Variants in NRG1 observed in about 807,000 individuals in gnomAD.
NRG1 encodes pro-neuregulin-1, membrane-bound isoform.
In NRG1, 18 loss-of-function variants were observed where a neutral mutation model predicts 63.8. That is an observed-to-expected ratio of 0.28 (90% CI 0.19 to 0.42). NRG1 has a LOEUF of 0.42. NRG1 is among the 10% of genes least tolerant of loss of function. NRG1 has a pLI of 1.00. For synonymous variants in NRG1, 302 were observed against 301.3 expected, an observed-to-expected ratio of 1.00 and a Z score of -0.02; for missense variants, 762 against 814.7, an observed-to-expected ratio of 0.94 and a Z score of 0.79.
At chr8:32,005,054 A>T (rs1813537709) in intron 1 of NRG1, among the ~76,000 whole-genome samples, 1 of 151,710 alleles carries the variant, frequency 6.6e-6, no homozygotes, top group Non-Finnish European at 1.5e-5. Context: ...GGAAGAAAAC[A>T]TATAGAGAAG....
intron 1 of NRG1, among the ~76,000 whole-genome samples, chr8:32,199,540 C>G (rs1165495575): frequency 6.6e-6 from 1 of 152,148 alleles, no homozygotes; most frequent in Non-Finnish European, 1.5e-5. Context: ...TTAGATCTTA[C>G]TTGTCTGAAA....
At chr8:31,716,477 CT>C (rs1221268881) in intron 1 of NRG1, among the ~76,000 whole-genome samples, 1 of 152,204 alleles carries the variant, frequency 6.6e-6, no homozygotes, top group African/African-American at 2.4e-5. Context: ...TATCTTATTT[CT>C]AAGGATCTCA....
chr8:32,258,617 G>A (rs1850012846), intron 1 of NRG1, among the ~76,000 whole-genome samples: 1 of 150,598 alleles, frequency 6.6e-6, no homozygotes, highest in Non-Finnish European at 1.5e-5. Context: ...GGTGGCAGGT[G>A]AGAGAGAGAG....
chr8:31,823,450 C>A (rs1824206906), intron 1 of NRG1, among the ~76,000 whole-genome samples: 1 of 152,098 alleles, frequency 6.6e-6, no homozygotes, highest in Admixed American at 6.5e-5. Context: ...CTGAATACTA[C>A]ATTGTTTTAT....
At chr8:32,288,603 A>T (rs1238790474) in intron 1 of NRG1, among the ~76,000 whole-genome samples, 1 of 152,182 alleles carries the variant, frequency 6.6e-6, no homozygotes, top group African/African-American at 2.4e-5. Flanking sequence ...CAAAAAAGGA[A>T]CTTTGTTACA....
At chr8:32,628,733 C>CTT (rs66843732) in intron 5 of NRG1, among the ~76,000 whole-genome samples, 3,106 of 138,124 alleles carry the variant, frequency 0.022, 60 homozygotes, top group Middle Eastern at 0.096. Flanking sequence ...ACTTTCTGCC[C>CTT]TTTTTTTTTT....
chr8:32,345,943 A>T (rs1804832876), intron 1 of NRG1, among the ~76,000 whole-genome samples: 1 of 151,784 alleles, frequency 6.6e-6, no homozygotes, highest in South Asian at 2.1e-4. Flanking sequence ...GGGAGGCAGA[A>T]GTTGCAGTGA....
chr8:32,300,622 T>C (rs749437188), intron 1 of NRG1, among the ~76,000 whole-genome samples: 3 of 152,210 alleles, frequency 2.0e-5, no homozygotes, highest in Non-Finnish European at 4.4e-5. Context: ...TATTAAAGAA[T>C]GCCATTAAGT....
chr8:31,909,370 G>C (rs1186519338), intron 1 of NRG1, among the ~76,000 whole-genome samples: 1 of 151,978 alleles, frequency 6.6e-6, no homozygotes, highest in Non-Finnish European at 1.5e-5. Flanking sequence ...GTGACTGCTG[G>C]CTGGTAGGCA....
chr8:32,685,438 G>A (rs1404699766), intron 5 of NRG1, among the ~76,000 whole-genome samples: 3 of 152,134 alleles, frequency 2.0e-5, no homozygotes, highest in East Asian at 3.9e-4. Flanking sequence ...TGCAGACAAA[G>A]CCCAACTCTT....
At chr8:32,295,081 G>A (rs1051286495) in intron 1 of NRG1, among the ~76,000 whole-genome samples, 2 of 152,074 alleles carry the variant, frequency 1.3e-5, no homozygotes, top group African/African-American at 2.4e-5. Context: ...AAATGTTATA[G>A]TACTTTGACC....
intron 1 of NRG1, among the ~76,000 whole-genome samples, chr8:32,210,111 C>A (rs1454234089): frequency 6.6e-6 from 1 of 152,052 alleles, no homozygotes; most frequent in African/African-American, 2.4e-5. Context: ...ATTGATGAAG[C>A]CAGAATGTGT....
In NRG1 at chr8:31,640,801, C is replaced by A; in HGVS notation, c.37+1370C>A. The A allele has an allele frequency of 8.4e-6, 12 of 1,432,624 alleles. No individual in the cohort carries two copies. Among genetic ancestry groups the A allele is most frequent in the South Asian group, 1.5e-5 (1 of 65,940 alleles). 88.7% of individuals were successfully genotyped at this position (1,432,624 alleles called of 1,614,324 possible). On this transcript the variant is annotated intron_variant, in intron 1 of 10. Coordinates refer to the NRG1 transcript ENST00000519301. This position sits in a 1 kb window ranked among gnomAD's most constrained non-coding sequence, Gnocchi z 6.3. ...CATCCCGGGCGCGCGGGCAGCGGGG[C>A]TCGACGGCCGCCCGAGCAAGGCAGA...
chr8:31,926,942 C>T (rs1342666463), intron 1 of NRG1, among the ~76,000 whole-genome samples: 1 of 152,120 alleles, frequency 6.6e-6, no homozygotes, highest in Non-Finnish European at 1.5e-5. Context: ...TGTGGTGGTG[C>T]CCCATTCCAC....
At chr8:31,960,563 A>C (rs992322222) in intron 1 of NRG1, among the ~76,000 whole-genome samples, 1 of 152,232 alleles carries the variant, frequency 6.6e-6, no homozygotes, top group African/African-American at 2.4e-5. Flanking sequence ...AGATTCCAGA[A>C]CAATTAACTT....
chr8:32,365,513 T>G (rs1807850702), intron 1 of NRG1, among the ~76,000 whole-genome samples: 1 of 152,200 alleles, frequency 6.6e-6, no homozygotes, highest in Non-Finnish European at 1.5e-5. Flanking sequence ...CTTTTTTTAT[T>G]TTGATATTTG....
intron 1 of NRG1, among the ~76,000 whole-genome samples, chr8:32,580,460 C>T (rs531308077): frequency 1.3e-5 from 2 of 152,280 alleles, no homozygotes; most frequent in African/African-American, 4.8e-5. Flanking sequence ...AGAATAGCTA[C>T]CAACATTTGT....
chr8:32,098,077 T>A (rs965022217), intron 1 of NRG1, among the ~76,000 whole-genome samples: 5 of 152,052 alleles, frequency 3.3e-5, no homozygotes, highest in African/African-American at 1.2e-4. Flanking sequence ...TATTAAGAGT[T>A]GCCAGAGAAA....
intron 1 of NRG1, among the ~76,000 whole-genome samples, chr8:31,740,470 T>C (rs937705213): frequency 6.6e-6 from 1 of 152,042 alleles, no homozygotes; most frequent in African/African-American, 2.4e-5. Flanking sequence ...TAGAGTTCAG[T>C]GATTTTTTTC....
Sources: gnomAD v4.1 joint callset for allele counts (sites outside exome capture counted in the v4.1 genomes callset) on GRCh38, gnomAD v4.1.1 for gene constraint, Gnocchi (gnomAD v3.1) non-coding constraint, MANE v1.5 for transcripts, NCBI Gene and HGNC (gene_info 2026-07-23, HGNC 2026-07-21) for gene names.